The following SAMD4B variants were observed in gnomAD, a reference collection of about 807,000 sequenced individuals.
The protein encoded by SAMD4B is sterile alpha motif domain containing 4B, also known as protein Smaug homolog 2.
In SAMD4B, 5 loss-of-function variants were observed where a neutral mutation model predicts 74.5. The ratio of observed to expected loss-of-function variants is 0.07; its 90% CI spans 0.04 to 0.14. The LOEUF (loss-of-function observed/expected upper bound fraction) is 0.14. SAMD4B is among the 10% of genes least tolerant of loss of function. The pLI is 1.00. For synonymous variants in SAMD4B, 373 were observed against 374.9 expected, an observed-to-expected ratio of 1.00 and a Z score of 0.06; for missense variants, 608 against 921.8, an observed-to-expected ratio of 0.66 and a Z score of 4.41.
chr19:39,377,736 T>A lies in SAMD4B; in HGVS notation c.1356T>A (p.Ala452=), dbSNP rs2077691853. 1.2e-6 allele frequency: 2 copies of A among 1,614,108 alleles called. No homozygotes were observed. Among genetic ancestry groups the A allele is most frequent in the Non-Finnish European group, 1.7e-6 (2 of 1,179,994 alleles). Residue 452 remains alanine (A), a synonymous_variant, in exon 8 of 14, where the codon GCT becomes GCA. Transcript: ENST00000610417. ...PAVENYPPPP[A]PAPTDGSEPA... is the part of the protein sequence containing the mutation. ...TGGAGAACTACCCACCTCCACCAGC[T>A]CCAGCTCCCACTGATGGCAGTGAGC...
At chr19:39,387,307 C>T, downstream of SAMD4B, 1 of 293,584 alleles carries the variant, frequency 3.4e-6, no homozygotes, top group Non-Finnish European at 7.3e-6. Flanking sequence ...GGTATTCTAT[C>T]TTAAGGGACC....
At position 39,375,641 on chromosome 19, in the gene SAMD4B, T is replaced by A; in HGVS notation, c.668-9T>A. ...GTCTAATATTTTGCTTTTCTCCCAC[T>A]CTGGCCAGGTCTCCCCTGCCAAATC... On this transcript the variant is annotated splice_polypyrimidine_tract_variant and intron_variant, in intron 4 of 13. Transcript: ENST00000610417. This position sits in a 1 kb window ranked among gnomAD's most constrained non-coding sequence, Gnocchi z 4.1. 6.3e-7 allele frequency: 1 copy of A among 1,595,008 alleles called. No individual in the cohort carries two copies. The highest frequency in any genetic ancestry group is 8.6e-7 in the Non-Finnish European group (1 of 1,164,094).
At position 39,368,882 on chromosome 19, in the gene SAMD4B, CTGGGGTGTCTAGACCA is replaced by C. The variant is rs796448917; in HGVS notation, c.197-771_197-756del. On this transcript the variant is annotated intron_variant, in intron 3 of 13. Transcript: ENST00000610417. ...AGCTTACCAAGATCTAGCTAGTAAG[CTGGGGTGTCTAGACCA>C]TCTGATTCCAGAGCCCAAGCTTTTA... 2.0e-5 allele frequency among the ~76,000 whole-genome samples: 3 copies of C among 152,274 alleles called. No homozygotes were observed. The East Asian group carries it at 5.8e-4, about 29-fold the overall frequency.
In SAMD4B at chr19:39,383,281, C is replaced by T. The variant is rs567164717; in HGVS notation, c.2046C>T (p.His682=). 22 of 1,614,144 alleles carry T rather than the reference C, an allele frequency of 1.4e-5. No homozygotes were observed. Among genetic ancestry groups the T allele is most frequent in the South Asian group, 4.4e-5 (4 of 91,078 alleles). The change falls in exon 13 of 14, where the codon CAC becomes CAT. Residue 682 remains histidine (H), a synonymous_variant. Coordinates refer to ENST00000610417, the MANE Select transcript of SAMD4B (RefSeq NM_001384574.2). The surrounding 1 kb of genome is among the most constrained non-coding windows in gnomAD (Gnocchi z 4.1). ...LESLCLSMTE[H]ALGDGTDKTS... is the part of the protein sequence containing the mutation. ...CTCTGTGTCTGAGCATGACAGAACA[C>T]GCCTTGGGTGGTGAGCATTTCCTCT...
At position 39,369,756 on chromosome 19, in the gene SAMD4B, G is replaced by C; in HGVS notation, c.298G>C (p.Glu100Gln). 6.2e-7 allele frequency: 1 copy of C among 1,614,218 alleles called. No homozygotes were observed. Among genetic ancestry groups the C allele is most frequent in the East Asian group, 2.2e-5 (1 of 44,892 alleles). Residue 100 changes from glutamate to glutamine, a missense_variant, in exon 4 of 14, where the codon GAG becomes CAG. By Grantham distance (29) the Glu-to-Gln change is conservative. Transcript: ENST00000610417. ...LQPGNTEAKS[E>Q]YMRLLQKVLA... ...GCCAGGCAACACAGAGGCCAAGTCG[G>C]AGTACATGAGGCTACTGCAGAAAGT... is the stretch of plus-strand genomic sequence containing the variant.
chr19:39,372,906 A>G (rs944786693), intron 4 of SAMD4B, among the ~76,000 whole-genome samples: 4 of 152,154 alleles, frequency 2.6e-5, no homozygotes, highest in African/African-American at 9.7e-5. Flanking sequence ...GAGGGAGTCT[A>G]GAGGCTGAAG....
intron 3 of SAMD4B, among the ~76,000 whole-genome samples, chr19:39,367,596 C>T (rs1196081616): frequency 2.0e-5 from 3 of 150,394 alleles, no homozygotes; most frequent in African/African-American, 7.3e-5. Context: ...GCAACCTCCA[C>T]CTCCCGAGTT....
intron 3 of SAMD4B, among the ~76,000 whole-genome samples, chr19:39,357,965 A>G (rs185520916): frequency 2.0e-5 from 3 of 152,336 alleles, no homozygotes; most frequent in Admixed American, 1.3e-4. Context: ...TTACTTGTAT[A>G]TTAACTTTAA....
chr19:39,368,387 G>A (rs1471866345), intron 3 of SAMD4B, among the ~76,000 whole-genome samples: 1 of 152,164 alleles, frequency 6.6e-6, no homozygotes, highest in Admixed American at 6.5e-5. Flanking sequence ...ATAGGAGGAA[G>A]GAGGTTGTTG....
rs748190333 is a variant in SAMD4B, at chr19:39,378,492, A to G, written c.1445-12A>G. On this transcript the variant is annotated splice_polypyrimidine_tract_variant and intron_variant, in intron 8 of 13. Transcript: ENST00000610417. This position sits in a 1 kb window ranked among gnomAD's most constrained non-coding sequence, Gnocchi z 4.4. ...AGGGGTTAACCTCCTGCCCTTTCTCATGTCCCCCCAGTGTGCACCCAACTG... is the reference window on the plus strand; with the variant it reads ...AGGGGTTAACCTCCTGCCCTTTCTCGTGTCCCCCCAGTGTGCACCCAACTG... 8.1e-6 allele frequency: 13 copies of G among 1,613,288 alleles called. No homozygotes were observed. The highest frequency in any genetic ancestry group is 4.5e-5 in the East Asian group (2 of 44,882).
chr19:39,386,059 A>G, downstream of SAMD4B: 1 of 1,613,958 alleles, frequency 6.2e-7, no homozygotes, highest in Non-Finnish European at 8.5e-7. This position sits in a 1 kb window ranked among gnomAD's most constrained non-coding sequence, Gnocchi z 6.1. Context: ...TCCTGGGCCG[A>G]GTGCTCGCTG....
At chr19:39,390,760 C>T in the SAMD4B span, 1 of 1,523,808 alleles carries the variant, frequency 6.6e-7, no homozygotes, top group Non-Finnish European at 8.9e-7. Flanking sequence ...TGACGTTGTT[C>T]AGCAGAAACC....
chr19:39,357,198 A>G (rs1279228428), intron 3 of SAMD4B, 109 bp downstream of exon 3: 2 of 944,064 alleles, frequency 2.1e-6, no homozygotes, highest in Admixed American at 2.9e-5. Flanking sequence ...CGTGGGTTCT[A>G]GGCTTGGTGG....
At chr19:39,379,840 G>A in intron 9 of SAMD4B, 126 bp from the exon 10 acceptor site, 2 of 746,022 alleles carry the variant, frequency 2.7e-6, no homozygotes. Flanking sequence ...CAAAGTGCTG[G>A]GATTACAGCT....
Position 39,376,526 on chromosome 19 carries a change from G to A in SAMD4B, c.997G>A (p.Glu333Lys). The change falls in exon 6 of 14, where the codon GAG (glutamate) becomes AAG (lysine). Residue 333 changes from glutamate to lysine, a missense_variant. Coordinates refer to ENST00000610417, the MANE Select transcript of SAMD4B (RefSeq NM_001384574.2). The stretch of plus-strand genomic sequence containing the variant: ...CTACGAGGAGATGATGACACTGACT[G>A]AGCAGCACCTGGAGTCTCAGGTGAA... ...MSYEEMMTLT[E>K]QHLESQNVTK... 6.2e-7 allele frequency: 1 copy of A among 1,613,392 alleles called. No individual in the cohort carries two copies. Among genetic ancestry groups the A allele is most frequent in the Non-Finnish European group, 8.5e-7 (1 of 1,179,906 alleles).
downstream of SAMD4B, chr19:39,389,368 C>T (rs1316950679): frequency 6.2e-6 from 10 of 1,614,004 alleles, no homozygotes; most frequent in Admixed American, 1.7e-5. This position sits in a 1 kb window ranked among gnomAD's most constrained non-coding sequence, Gnocchi z 5.3. Flanking sequence ...GCACCACCTT[C>T]GCGTGCTGCT....
intron 3 of SAMD4B, among the ~76,000 whole-genome samples, chr19:39,363,014 A>T (rs962993925): frequency 2.0e-5 from 3 of 152,104 alleles, no homozygotes; most frequent in African/African-American, 2.4e-5. Flanking sequence ...GGGGTGAGGC[A>T]GAGAAGGTCA....
chr19:39,362,710 G>C (rs1023113658), intron 3 of SAMD4B, among the ~76,000 whole-genome samples: 3 of 152,076 alleles, frequency 2.0e-5, no homozygotes. Flanking sequence ...AGGAGACTAG[G>C]GGGGTCAGGG....
intron 3 of SAMD4B, among the ~76,000 whole-genome samples, chr19:39,359,579 C>A (rs375007440): frequency 1.3e-5 from 2 of 152,188 alleles, no homozygotes; most frequent in African/African-American, 4.8e-5. Context: ...TCAGCACATA[C>A]GTCTGTTTCT....
Sources: gnomAD v4.1 joint callset for allele counts (sites outside exome capture counted in the v4.1 genomes callset) on GRCh38, gnomAD v4.1.1 for gene constraint, Gnocchi (gnomAD v3.1) non-coding constraint, MANE v1.5 for transcripts, NCBI Gene and HGNC (gene_info 2026-07-23, HGNC 2026-07-21) for gene names.